Variants in PTPRT observed in about 807,000 individuals in gnomAD.
PTPRT encodes protein tyrosine phosphatase receptor type T.
In PTPRT, 56 loss-of-function variants were observed where a neutral mutation model predicts 176.8. The observed-to-expected ratio is 0.32, with a 90% CI of 0.26 to 0.40. PTPRT has a LOEUF of 0.40. Ranked by LOEUF, PTPRT falls within the 10% of genes least tolerant of loss-of-function variation. The probability of loss-of-function intolerance (pLI) is 1.00; values close to 1 mark genes in which losing one functional copy is unlikely to be tolerated. For synonymous variants in PTPRT, 783 were observed against 739.0 expected, an observed-to-expected ratio of 1.06 and a Z score of -0.96; for missense variants, 1,540 against 1,908.2, an observed-to-expected ratio of 0.81 and a Z score of 3.60.
At chr20:42,670,241 G>A (rs1224187589) in intron 7 of PTPRT, among the ~76,000 whole-genome samples, 1 of 152,142 alleles carries the variant, frequency 6.6e-6, no homozygotes, top group African/African-American at 2.4e-5. Flanking sequence ...GGGCCCCTAA[G>A]TTCCCGGTTC....
intron 1 of PTPRT, among the ~76,000 whole-genome samples, chr20:42,922,237 C>T (rs960017977): frequency 1.3e-5 from 2 of 152,160 alleles, no homozygotes; most frequent in African/African-American, 4.8e-5. Flanking sequence ...CCTGGCCCTC[C>T]ACCTACTCTT....
intron 1 of PTPRT, among the ~76,000 whole-genome samples, chr20:43,033,242 C>G (rs1490292609): frequency 6.6e-6 from 1 of 152,136 alleles, no homozygotes; most frequent in Non-Finnish European, 1.5e-5. Context: ...GACTTAGGAC[C>G]CCTTGAGCCT....
At chr20:42,659,155 A>G (rs752029990) in intron 7 of PTPRT, among the ~76,000 whole-genome samples, 16 of 152,124 alleles carry the variant, frequency 1.1e-4, no homozygotes, top group Non-Finnish European at 2.1e-4. Flanking sequence ...CTTTTCCACT[A>G]TATACAGCAG....
At chr20:42,552,776 G>A (rs376892963) in intron 7 of PTPRT, among the ~76,000 whole-genome samples, 29 of 152,058 alleles carry the variant, frequency 1.9e-4, no homozygotes, top group African/African-American at 6.3e-4. Context: ...AAAGAAAAAT[G>A]TACAAGGGAA....
intron 15 of PTPRT, among the ~76,000 whole-genome samples, chr20:42,213,322 G>C (rs980684094): frequency 1.2e-5 from 1 of 80,924 alleles, no homozygotes; most frequent in Non-Finnish European, 3.4e-5. Context: ...TAAGAGACCC[G>C]GGTGCCGGGT....
At chr20:42,477,851 G>A (rs999653354) in intron 7 of PTPRT, among the ~76,000 whole-genome samples, 32 of 152,172 alleles carry the variant, frequency 2.1e-4, no homozygotes, top group African/African-American at 7.2e-4. Flanking sequence ...TATGCTCTTA[G>A]GCTAGACAAC....
chr20:42,860,368 T>C (rs2078640281), intron 2 of PTPRT, among the ~76,000 whole-genome samples: 1 of 152,272 alleles, frequency 6.6e-6, no homozygotes, highest in South Asian at 2.1e-4. Context: ...TCCATCATTC[T>C]CTTTTCAACA....
chr20:42,725,317 A>G (rs942803523), intron 6 of PTPRT, among the ~76,000 whole-genome samples: 7 of 151,964 alleles, frequency 4.6e-5, no homozygotes, highest in African/African-American at 1.4e-4. Context: ...AATAAACTCT[A>G]ACTAGAAACA....
intron 7 of PTPRT, among the ~76,000 whole-genome samples, chr20:42,535,674 C>A (rs148961569): frequency 2.6e-5 from 4 of 152,222 alleles, no homozygotes; most frequent in African/African-American, 9.6e-5. Flanking sequence ...AGGGAGGCAC[C>A]AGATTAGTTA....
intron 13 of PTPRT, among the ~76,000 whole-genome samples, chr20:42,254,368 A>G (rs1380729810): frequency 2.0e-5 from 3 of 152,148 alleles, no homozygotes; most frequent in African/African-American, 7.2e-5. Context: ...CCTACCCCAG[A>G]CCTACTAACT....
chr20:42,621,205 TG>T (rs1447467094), intron 7 of PTPRT, among the ~76,000 whole-genome samples: 1 of 152,200 alleles, frequency 6.6e-6, no homozygotes, highest in African/African-American at 2.4e-5. Flanking sequence ...TCCTTCCCCC[TG>T]GGCTCTAGAT....
chr20:42,034,416 G>A, the PTPRT span, among the ~76,000 whole-genome samples: 1 of 152,218 alleles, frequency 6.6e-6, no homozygotes, highest in South Asian at 2.1e-4. Context: ...GAGGGAGAAG[G>A]GGAGAGGGAG....
chr20:43,111,835 C>A (rs1197126849), intron 1 of PTPRT, among the ~76,000 whole-genome samples: 1 of 152,168 alleles, frequency 6.6e-6, no homozygotes, highest in East Asian at 1.9e-4. Context: ...GTGGGCAAGT[C>A]AGCTTTTGAA....
At chr20:42,515,813 A>G (rs1222273506) in intron 7 of PTPRT, among the ~76,000 whole-genome samples, 2 of 151,588 alleles carry the variant, frequency 1.3e-5, no homozygotes, top group African/African-American at 4.9e-5. Context: ...ACGTATGTTT[A>G]TTGCGGCATT....
chr20:42,096,756 A>ATTTTTTTTTTTTTTTTTTT, intron 27 of PTPRT, among the ~76,000 whole-genome samples: 1 of 118,868 alleles, frequency 8.4e-6, no homozygotes, highest in Non-Finnish European at 1.7e-5. Context: ...GCTAATTAAA[A>ATTTTTTTTTTTTTTTTTTT]TTTTTTTTTT....
At chr20:42,756,755 A>C in intron 5 of PTPRT, 119 bp from the exon 6 acceptor site, 2 of 875,742 alleles carry the variant, frequency 2.3e-6, no homozygotes, top group Non-Finnish European at 1.6e-6. Flanking sequence ...TTCCACTATA[A>C]TAAGGGATTT....
intron 4 of PTPRT, 121 bp from the exon 5 acceptor site, chr20:42,771,671 C>G (rs948211067): frequency 2.7e-6 from 2 of 736,572 alleles, no homozygotes; most frequent in Non-Finnish European, 4.8e-6. Flanking sequence ...TAAGAAGTAG[C>G]CCGGCTCAGT....
chr20:42,526,917 C>CTCT lies in PTPRT; in HGVS notation c.1154-54358_1154-54356dup, dbSNP rs79607695. The stretch of plus-strand genomic sequence containing the variant: ...ATGTCATAGGATTAAGTCTCTTCTA[C>CTCT]TCTACCGTTCTAAGAGACTGACTTC... On this transcript the variant is annotated intron_variant, in intron 7 of 30. Transcript: ENST00000373187. 8.1e-3 allele frequency among the ~76,000 whole-genome samples: 1,209 copies of CTCT among 148,906 alleles called. 11 individuals are homozygous for CTCT. Among genetic ancestry groups the CTCT allele is most frequent in the Middle Eastern group, 0.014 (4 of 288 alleles).
At chr20:42,161,234 C>T (rs73114470) in intron 17 of PTPRT, 118 bp downstream of exon 17, 30 of 1,153,106 alleles carry the variant, frequency 2.6e-5, no homozygotes, top group Admixed American at 4.0e-5. Context: ...ATTTCCTACA[C>T]GCTCCCAGGT....
Sources: allele counts gnomAD v4.1 joint callset (sites outside exome capture counted in the v4.1 genomes callset), GRCh38; gene constraint gnomAD v4.1.1; transcripts MANE v1.5; gene names NCBI Gene and HGNC (gene_info 2026-07-23, HGNC 2026-07-21).